Variants in ANKS1B observed in about 807,000 individuals in gnomAD.
The protein encoded by ANKS1B is ankyrin repeat and sterile alpha motif domain containing 1B, also known as ankyrin repeat and sterile alpha motif domain-containing protein 1B.
ANKS1B carries 36 observed loss-of-function variants against 148.3 expected under a neutral mutation model. That is an observed-to-expected ratio of 0.24 (90% CI 0.19 to 0.32). The LOEUF (loss-of-function observed/expected upper bound fraction) is 0.32, where lower values mean the gene tolerates loss of function less well. Ranked by LOEUF, ANKS1B falls within the 10% of genes least tolerant of loss-of-function variation. The probability of loss-of-function intolerance (pLI) is 1.00; values close to 1 mark genes in which losing one functional copy is unlikely to be tolerated. For synonymous variants in ANKS1B, 542 were observed against 560.8 expected (o/e 0.97, Z 0.47); for missense variants, 1,157 against 1,542.6 (o/e 0.75, Z 4.19).
At chr12:99,703,876 A>G (rs2055287301) in intron 8 of ANKS1B, among the ~76,000 whole-genome samples, 2 of 152,158 alleles carry the variant, frequency 1.3e-5, no homozygotes, top group South Asian at 4.1e-4. Flanking sequence ...GGAATATTTT[A>G]AATTTGGTTT....
intron 8 of ANKS1B, among the ~76,000 whole-genome samples, chr12:99,671,434 A>G (rs1359083719): frequency 6.6e-6 from 1 of 152,180 alleles, no homozygotes; most frequent in Non-Finnish European, 1.5e-5. Context: ...CGCAATCAAA[A>G]GATAAACACC....
chr12:99,688,005 G>C (rs546031583), intron 8 of ANKS1B, among the ~76,000 whole-genome samples: 2 of 152,206 alleles, frequency 1.3e-5, no homozygotes, highest in South Asian at 4.1e-4. Context: ...ACTTTGTTAG[G>C]ATAATTCCAG....
intron 8 of ANKS1B, among the ~76,000 whole-genome samples, chr12:99,674,407 G>T (rs117599996): frequency 6.6e-6 from 1 of 151,548 alleles, no homozygotes; most frequent in Admixed American, 6.6e-5. Flanking sequence ...AAGGAAAGAT[G>T]GCAATATGAA....
intron 12 of ANKS1B, among the ~76,000 whole-genome samples, chr12:99,248,010 C>T (rs532265301): frequency 6.6e-6 from 1 of 152,180 alleles, no homozygotes; most frequent in East Asian, 1.9e-4. Flanking sequence ...TAACAAGTAA[C>T]ATTTAATGGG....
intron 19 of ANKS1B, among the ~76,000 whole-genome samples, chr12:98,808,723 C>T (rs997713432): frequency 6.6e-6 from 1 of 152,188 alleles, no homozygotes; most frequent in Non-Finnish European, 1.5e-5. Context: ...CAGTAGAAAC[C>T]TTCAAAGAGA....
At chr12:99,644,928 T>G (rs1442013450) in intron 9 of ANKS1B, among the ~76,000 whole-genome samples, 1 of 152,068 alleles carries the variant, frequency 6.6e-6, no homozygotes, top group South Asian at 2.1e-4. Context: ...TCATCACATA[T>G]CTTCTGACTC....
At chr12:99,892,213 C>A (rs1451563453) in intron 1 of ANKS1B, among the ~76,000 whole-genome samples, 1 of 152,056 alleles carries the variant, frequency 6.6e-6, no homozygotes, top group East Asian at 1.9e-4. Flanking sequence ...CCGTGTTAGC[C>A]AGGATGGTCT....
intron 17 of ANKS1B, among the ~76,000 whole-genome samples, chr12:98,890,972 A>G (rs1231724608): frequency 6.6e-6 from 1 of 152,234 alleles, no homozygotes; most frequent in East Asian, 1.9e-4. Context: ...AAAGTTGCGT[A>G]TCTAGGAAAA....
intron 9 of ANKS1B, among the ~76,000 whole-genome samples, chr12:99,554,235 A>C (rs2097253507): frequency 6.6e-6 from 1 of 152,188 alleles, no homozygotes; most frequent in South Asian, 2.1e-4. Flanking sequence ...AACCCAATTG[A>C]GAAGTCTATG....
chr12:99,199,085 A>T (rs1218615211), intron 14 of ANKS1B, among the ~76,000 whole-genome samples: 1 of 152,204 alleles, frequency 6.6e-6, no homozygotes, highest in Admixed American at 6.5e-5. Flanking sequence ...CTTTCAAAGC[A>T]GATTCCCCAG....
intron 17 of ANKS1B, among the ~76,000 whole-genome samples, chr12:99,051,674 C>T (rs1221048042): frequency 6.6e-6 from 1 of 152,162 alleles, no homozygotes; most frequent in Non-Finnish European, 1.5e-5. Context: ...GACAATGAGT[C>T]TCTTCTGAAA....
At chr12:99,375,765 G>T (rs1031361244) in intron 12 of ANKS1B, among the ~76,000 whole-genome samples, 1 of 151,988 alleles carries the variant, frequency 6.6e-6, no homozygotes, top group African/African-American at 2.4e-5. Flanking sequence ...TCAGAAAAAT[G>T]ACTGGAGTAA....
intron 14 of ANKS1B, among the ~76,000 whole-genome samples, chr12:99,167,038 C>A (rs2077251705): frequency 6.6e-6 from 1 of 151,952 alleles, no homozygotes; most frequent in Non-Finnish European, 1.5e-5. Flanking sequence ...ATGAATTATT[C>A]TGGGAAAATA....
intron 22 of ANKS1B, among the ~76,000 whole-genome samples, chr12:98,787,815 G>A (rs2098809731): frequency 6.6e-6 from 1 of 151,996 alleles, no homozygotes; most frequent in African/African-American, 2.4e-5. Flanking sequence ...AGCTACTCAG[G>A]AGGCTGAGGC....
intron 4 of ANKS1B, among the ~76,000 whole-genome samples, chr12:99,798,171 G>A (rs931838111): frequency 5.3e-5 from 8 of 151,790 alleles, no homozygotes; most frequent in African/African-American, 1.7e-4. Flanking sequence ...GATAAAGACC[G>A]ATTCTTGATT....
At chr12:99,336,197 C>T (rs12312886) in intron 12 of ANKS1B, among the ~76,000 whole-genome samples, 3,007 of 152,092 alleles carry the variant, frequency 0.02, 38 homozygotes, top group African/African-American at 0.022. Flanking sequence ...ACATCTTTTG[C>T]CCATTTTTTA....
intron 9 of ANKS1B, among the ~76,000 whole-genome samples, chr12:99,552,564 C>T (rs938122473): frequency 2.6e-5 from 4 of 152,144 alleles, no homozygotes; most frequent in Non-Finnish European, 4.4e-5. Flanking sequence ...CATTGCATTA[C>T]TAAATGCTCT....
intron 14 of ANKS1B, among the ~76,000 whole-genome samples, chr12:99,183,783 G>A (rs1028290010): frequency 6.6e-6 from 1 of 152,166 alleles, no homozygotes; most frequent in Non-Finnish European, 1.5e-5. Flanking sequence ...TCTCCAATAA[G>A]GGTTATACGG....
At chr12:99,548,757 A>G (rs2097192710) in intron 9 of ANKS1B, among the ~76,000 whole-genome samples, 1 of 152,170 alleles carries the variant, frequency 6.6e-6, no homozygotes, top group Non-Finnish European at 1.5e-5. Context: ...TGCTAAATAT[A>G]TTCATTCCTT....
Sources: allele counts gnomAD v4.1 joint callset (sites outside exome capture counted in the v4.1 genomes callset), GRCh38; gene constraint gnomAD v4.1.1; transcripts MANE v1.5; gene names NCBI Gene and HGNC (gene_info 2026-07-23, HGNC 2026-07-21).